The following PIK3R5 variants were observed in gnomAD, a reference collection of about 807,000 sequenced individuals.
PIK3R5 encodes phosphoinositide 3-kinase regulatory subunit 5.
In PIK3R5, 32 loss-of-function variants were observed where a neutral mutation model predicts 94.9. The ratio of observed to expected loss-of-function variants is 0.34; its 90% CI spans 0.25 to 0.45. The LOEUF (loss-of-function observed/expected upper bound fraction) is 0.45, where lower values mean the gene tolerates loss of function less well. PIK3R5 is among the 20% of genes least tolerant of loss of function. PIK3R5 has a pLI of 1.00. For missense variants in PIK3R5, 853 were observed against 1,144.6 expected (o/e 0.75, Z 3.68); for synonymous variants, 443 against 479.4 (o/e 0.92, Z 0.99).
At position 8,887,450 on chromosome 17, in the gene PIK3R5, C is replaced by T. The variant is rs2089892435; in HGVS notation, c.1779+71G>A. 4 of 1,503,946 alleles carry T rather than the reference C, an allele frequency of 2.7e-6. No individual in the cohort carries two copies. In the Admixed American group the frequency reaches 8.1e-5, roughly 31 times the overall value. The allele number at this position is 1,503,946 out of a possible 1,614,324, so 93.2% of individuals were successfully genotyped here. Reference sequence around the variant, plus strand: ...CAACACAGGTGCTTGCTTTCCATGACTTCCAATCGGCTTCCTTCAGGTAGC... The same window carrying T: ...CAACACAGGTGCTTGCTTTCCATGATTTCCAATCGGCTTCCTTCAGGTAGC... On this transcript the variant is annotated intron_variant, in intron 11 of 18. Coordinates refer to ENST00000447110, the MANE Select transcript of PIK3R5 (RefSeq NM_001142633.3).
Position 8,888,521 on chromosome 17 carries a change from G to T in PIK3R5, c.1266C>A (p.Ile422=). The T allele has an allele frequency of 6.2e-7, 1 of 1,611,254 alleles. No individual in the cohort carries two copies. Among genetic ancestry groups the T allele is most frequent in the Non-Finnish European group, 8.5e-7 (1 of 1,179,448 alleles). ...RGHRRPGQKF[I]RIYKLFKSTS... ...TGCTCTTGAAGAGTTTATAGATCCT[G>T]ATGAACTTCTGCCCAGGCCTGCGGT... Residue 422 remains isoleucine, a synonymous_variant, in exon 10 of 19, where the codon ATC becomes ATA. Coordinates refer to ENST00000447110, the MANE Select transcript of PIK3R5 (RefSeq NM_001142633.3). The surrounding 1 kb of genome is among the most constrained non-coding windows in gnomAD (Gnocchi z 7.8).
At chr17:8,914,036 G>A (rs2090583337) in intron 1 of PIK3R5, among the ~76,000 whole-genome samples, 1 of 152,216 alleles carries the variant, frequency 6.6e-6, no homozygotes, top group African/African-American at 2.4e-5. Flanking sequence ...CTGGAGGTGG[G>A]TCCTATTCCA....
At position 8,886,209 on chromosome 17, in the gene PIK3R5, TCTG is replaced by T; in HGVS notation, c.2128+17_2128+19del. On this transcript the variant is annotated intron_variant, in intron 14 of 18. Transcript: ENST00000447110. Reference sequence around the variant, plus strand: ...CCCAGGCCCCGCCTCACCGTCTGTCTCTGCTCAGGCAGTACCCACCTGACGCCT... The same window carrying T: ...CCCAGGCCCCGCCTCACCGTCTGTCTCTCAGGCAGTACCCACCTGACGCCT... The T allele has an allele frequency of 6.3e-7, 1 of 1,591,148 alleles. No homozygotes were observed. Among genetic ancestry groups the T allele is most frequent in the Non-Finnish European group, 8.6e-7 (1 of 1,161,754 alleles).
In PIK3R5 at chr17:8,889,533, A is replaced by C. The variant is rs1423321102; in HGVS notation, c.812-311T>G. Among the ~76,000 whole-genome samples, 1 of 152,130 alleles carries C rather than the reference A, an allele frequency of 6.6e-6. No homozygotes were observed. Among genetic ancestry groups the C allele is most frequent in the Non-Finnish European group, 1.5e-5 (1 of 68,016 alleles). ...AGTACTAGCCCAGAAGGTTTTTATG[A>C]GGAATATTGTAACAGGGAATGCTAA... On this transcript the variant is annotated intron_variant, in intron 8 of 18. Transcript: ENST00000447110. The surrounding 1 kb of genome is among the most constrained non-coding windows in gnomAD (Gnocchi z 4.1).
intron 1 of PIK3R5, among the ~76,000 whole-genome samples, chr17:8,953,368 C>T (rs1199332319): frequency 6.6e-6 from 1 of 152,192 alleles, no homozygotes; most frequent in African/African-American, 2.4e-5. Context: ...CTCAACCCCA[C>T]CCTTTAGGCC....
chr17:8,963,061 C>G (rs1255684164), intron 1 of PIK3R5, among the ~76,000 whole-genome samples: 1 of 152,190 alleles, frequency 6.6e-6, no homozygotes, highest in Admixed American at 6.5e-5. Flanking sequence ...GATCATAGCT[C>G]ACTGCAGCCT....
intron 1 of PIK3R5, chr17:8,916,490 C>G (rs1489220031): frequency 1.3e-4 from 19 of 147,482 alleles, no homozygotes; most frequent in African/African-American, 4.5e-4. Context: ...CCCGCCCCCC[C>G]GCCCCCGCCA....
chr17:8,925,926 AG>A lies in PIK3R5; in HGVS notation c.-13-14420del, dbSNP rs2090874868. Among the ~76,000 whole-genome samples the A allele has an allele frequency of 6.6e-6, 1 of 152,138 alleles. No homozygotes were observed. Among genetic ancestry groups the A allele is most frequent in the African/African-American group, 2.4e-5 (1 of 41,414 alleles). On this transcript the variant is annotated intron_variant, in intron 1 of 18. Coordinates refer to ENST00000447110, the MANE Select transcript of PIK3R5 (RefSeq NM_001142633.3). The surrounding 1 kb of genome is among the most constrained non-coding windows in gnomAD (Gnocchi z 5.1). Reference sequence around the variant, plus strand: ...CTATCCCCTTCAGACCCCAATGGAGAGGTCTGGGCTACAGCTCTCTATTTGG... The same window carrying A: ...CTATCCCCTTCAGACCCCAATGGAGAGTCTGGGCTACAGCTCTCTATTTGG...
intron 1 of PIK3R5, among the ~76,000 whole-genome samples, chr17:8,936,053 C>CAAAA (rs746258155): frequency 1.6e-5 from 1 of 63,956 alleles, no homozygotes; most frequent in Non-Finnish European, 3.4e-5. Context: ...GACTCCATCT[C>CAAAA]AAAAAAAAAA....
intron 5 of PIK3R5, among the ~76,000 whole-genome samples, chr17:8,894,745 C>T (rs933234807): frequency 6.6e-6 from 1 of 151,996 alleles, no homozygotes; most frequent in Non-Finnish European, 1.5e-5. Context: ...GGGGACCCAG[C>T]GGGGTGGGTC....
Position 8,920,788 on chromosome 17 carries a change from CT to C in PIK3R5, c.-13-9282del, listed in dbSNP as rs573724606. Among the ~76,000 whole-genome samples the C allele has an allele frequency of 5.7e-3, 849 of 148,966 alleles. 9 individuals are homozygous for C. The highest frequency in any genetic ancestry group is 0.019 in the African/African-American group (791 of 40,716). ...CCCTTCTTTTAACGTAACTTGTTTT[CT>C]TTTAAAATACAGGTCCATATGTATA... On this transcript the variant is annotated intron_variant, in intron 1 of 18. Transcript: ENST00000447110.
chr17:8,888,270 A>G lies in PIK3R5; in HGVS notation c.1517T>C (p.Leu506Pro), dbSNP rs1287831726. Residue 506 changes from leucine (L) to proline (P), a missense_variant, in exon 10 of 19, where the codon CTG becomes CCG. Leu to Pro is a moderately conservative substitution (Grantham distance 98). This residue lies in a region of PIK3R5 where 319 missense variants were observed against 339.8 expected (regional missense o/e 0.94). Coordinates refer to ENST00000447110, the MANE Select transcript of PIK3R5 (RefSeq NM_001142633.3). The surrounding 1 kb of genome is among the most constrained non-coding windows in gnomAD (Gnocchi z 7.8). ...AGCCTTGGGATCCTCATCTCCACTC[A>G]GGAAGGGGCGGCGGCGCTGGGGGCG... Reference protein sequence around the residue: ...ASRPQRRRPFLSGDEDPKAST... With the variant: ...ASRPQRRRPFPSGDEDPKAST... 6.2e-7 allele frequency: 1 copy of G among 1,613,364 alleles called. No individual in the cohort carries two copies. Among genetic ancestry groups the G allele is most frequent in the Non-Finnish European group, 8.5e-7 (1 of 1,179,900 alleles).
intron 14 of PIK3R5, among the ~76,000 whole-genome samples, chr17:8,885,492 CCAGGGCCCCGCCTCCT>C (rs1390508037): frequency 7.2e-6 from 1 of 139,538 alleles, no homozygotes; most frequent in African/African-American, 3.1e-5. Context: ...CCCCGCCTCC[CCAGGGCCCCGCCTCCT>C]GGGTAACTCC....
Position 8,893,455 on chromosome 17 carries a change from T to G in PIK3R5, c.482+131A>C. ...GGGTTCCCAGTTCCCTGGAAGCCTG[T>G]TTGTTGCTGGCTGGGGTGGACAGGG... On this transcript the variant is annotated intron_variant, in intron 6 of 18. Coordinates refer to ENST00000447110, the MANE Select transcript of PIK3R5 (RefSeq NM_001142633.3). The surrounding 1 kb of genome is among the most constrained non-coding windows in gnomAD (Gnocchi z 5.1). 1.4e-6 allele frequency: 1 copy of G among 712,274 alleles called. No individual in the cohort carries two copies. Among genetic ancestry groups the G allele is most frequent in the Non-Finnish European group, 2.5e-6 (1 of 401,094 alleles). 44.1% of individuals were successfully genotyped at this position (712,274 alleles called of 1,614,324 possible). A position where few individuals can be genotyped will look rare whatever the true frequency, so the allele number is the denominator to read the frequency against.
rs71135929 is a variant in PIK3R5 at position 8,888,002 on chromosome 17, AAATAAT to A, written c.1616+163_1616+168del. 0.038 allele frequency among the ~76,000 whole-genome samples: 4,883 copies of A among 129,428 alleles called. 167 individuals carry two copies. Among genetic ancestry groups the A allele is most frequent in the African/African-American group, 0.092 (3,195 of 34,642 alleles). The allele number at this position is 129,428 out of a possible 152,430, so 84.9% of individuals were successfully genotyped here. ...GGCAACAGAGCAAGACTCTGTCTCA[AAATAAT>A]AATAATAATAATAATAATAATAATA... On this transcript the variant is annotated intron_variant, in intron 10 of 18. Coordinates refer to ENST00000447110, the MANE Select transcript of PIK3R5 (RefSeq NM_001142633.3). The surrounding 1 kb of genome is among the most constrained non-coding windows in gnomAD (Gnocchi z 7.8).
At chr17:8,926,542 C>T (rs534666942) in intron 1 of PIK3R5, among the ~76,000 whole-genome samples, 9 of 152,258 alleles carry the variant, frequency 5.9e-5, no homozygotes, top group African/African-American at 1.4e-4. Context: ...GCAAAAGGCA[C>T]GTCTTACATG....
At chr17:8,931,183 C>T (rs930894699) in intron 1 of PIK3R5, among the ~76,000 whole-genome samples, 2 of 152,088 alleles carry the variant, frequency 1.3e-5, no homozygotes, top group Non-Finnish European at 2.9e-5. Flanking sequence ...TTAAAACTAC[C>T]TAGAATAACC....
rs61761131 is a variant in PIK3R5, at chr17:8,881,746, G to A, written c.2300-34C>T. On this transcript the variant is annotated intron_variant, in intron 16 of 18. Coordinates refer to ENST00000447110, the MANE Select transcript of PIK3R5 (RefSeq NM_001142633.3). The surrounding 1 kb of genome is among the most constrained non-coding windows in gnomAD (Gnocchi z 4.8). Reference sequence around the variant, plus strand: ...CAAGGACACTCAGGCCAGGCTCAGAGCACCTCCCTACTGCACACCCCACAC... The same window carrying A: ...CAAGGACACTCAGGCCAGGCTCAGAACACCTCCCTACTGCACACCCCACAC... The A allele has an allele frequency of 6.8e-6, 11 of 1,612,664 alleles. No homozygotes were observed. In the African/African-American group the frequency reaches 1.5e-4, roughly 22 times the overall value.
chr17:8,888,002 AAATAATAATAAT>A lies in PIK3R5; in HGVS notation c.1616+157_1616+168del, dbSNP rs71135929. On this transcript the variant is annotated intron_variant, in intron 10 of 18. Transcript: ENST00000447110. This position sits in a 1 kb window ranked among gnomAD's most constrained non-coding sequence, Gnocchi z 7.8. ...GGCAACAGAGCAAGACTCTGTCTCA[AAATAATAATAAT>A]AATAATAATAATAATAATAATAATA... Among the ~76,000 whole-genome samples the A allele has an allele frequency of 0.012, 1,511 of 129,484 alleles. 37 individuals carry two copies. Among genetic ancestry groups the A allele is most frequent in the East Asian group, 0.12 (521 of 4,466 alleles). The allele number at this position is 129,484 out of a possible 152,430, so 84.9% of individuals were successfully genotyped here. A position where few individuals can be genotyped will look rare whatever the true frequency, so the allele number is the denominator to read the frequency against.
Sources: allele counts gnomAD v4.1 joint callset (sites outside exome capture counted in the v4.1 genomes callset), GRCh38; gene constraint gnomAD v4.1.1; regional missense constraint gnomAD v4.1.1; non-coding constraint Gnocchi (gnomAD v3.1); transcripts MANE v1.5; gene names NCBI Gene and HGNC (gene_info 2026-07-23, HGNC 2026-07-21).